Variants in ITPR1 observed in about 807,000 individuals in gnomAD.
ITPR1 encodes inositol 1,4,5-trisphosphate-gated calcium channel ITPR1.
A neutral mutation model predicts 318.4 loss-of-function variants in ITPR1; 96 were observed. The ratio of observed to expected loss-of-function variants is 0.30; its 90% CI spans 0.26 to 0.36. ITPR1 has a LOEUF of 0.36. ITPR1 is among the 10% of genes least tolerant of loss of function. ITPR1 has a pLI of 1.00. For missense variants in ITPR1, 2,440 were observed against 3,460.2 expected (o/e 0.71, Z 7.40); for synonymous variants, 1,312 against 1,289.9 (o/e 1.02, Z -0.37).
chr3:4,619,340 T>C (rs2092506307), intron 4 of ITPR1, among the ~76,000 whole-genome samples: 1 of 152,238 alleles, frequency 6.6e-6, no homozygotes, highest in African/African-American at 2.4e-5. Context: ...ATTGTTTCCA[T>C]ACCTTCAGTT....
intron 2 of ITPR1, among the ~76,000 whole-genome samples, chr3:4,506,491 A>G (rs1435684226): frequency 1.3e-5 from 2 of 152,158 alleles, no homozygotes; most frequent in Non-Finnish European, 2.9e-5. Context: ...TCACTTAATC[A>G]TATCACCAGT....
intron 4 of ITPR1, among the ~76,000 whole-genome samples, chr3:4,612,702 C>T (rs901845138): frequency 2.0e-5 from 3 of 151,998 alleles, no homozygotes; most frequent in South Asian, 2.1e-4. Context: ...GCCTGGCCAA[C>T]GTGGCGAACC....
At chr3:4,631,908 T>C (rs1395513488) in intron 5 of ITPR1, among the ~76,000 whole-genome samples, 2 of 152,130 alleles carry the variant, frequency 1.3e-5, no homozygotes, top group Non-Finnish European at 2.9e-5. Context: ...TGCCTTAGCC[T>C]CCCAGAGTGC....
At chr3:4,505,920 A>T (rs559713871) in intron 2 of ITPR1, among the ~76,000 whole-genome samples, 2 of 152,334 alleles carry the variant, frequency 1.3e-5, no homozygotes, top group African/African-American at 4.8e-5. Context: ...GGCAGAGCTG[A>T]TCCTCTGCTG....
chr3:4,754,331 C>T (rs1241636078), intron 44 of ITPR1, among the ~76,000 whole-genome samples: 3 of 152,170 alleles, frequency 2.0e-5, no homozygotes, highest in South Asian at 2.1e-4. Flanking sequence ...ACCCTCCTCC[C>T]GGGAAGAGGA....
At chr3:4,836,701 C>A (rs932491530) in intron 60 of ITPR1, 73 bp from the exon 61 acceptor site, 2 of 1,253,278 alleles carry the variant, frequency 1.6e-6, no homozygotes, top group East Asian at 2.9e-5. Flanking sequence ...GGTAAGCTGG[C>A]CTTTCTTGTT....
At chr3:4,525,733 T>C (rs1046775451) in intron 4 of ITPR1, among the ~76,000 whole-genome samples, 1 of 152,222 alleles carries the variant, frequency 6.6e-6, no homozygotes, top group African/African-American at 2.4e-5. Flanking sequence ...TCTTTGCCCA[T>C]AATCTTGAAA....
chr3:4,665,132 A>G lies in ITPR1; in HGVS notation c.1555-6A>G. The G allele has an allele frequency of 6.2e-7, 1 of 1,613,980 alleles. No individual in the cohort carries two copies. The highest frequency in any genetic ancestry group is 2.2e-5 in the East Asian group (1 of 44,892). ...TGCCATTTTTGCTTTTCATTTTCAC[A>G]AACAGATCTTCAAGTTGTTACAAGC... On this transcript the variant is annotated splice_polypyrimidine_tract_variant and splice_region_variant and intron_variant, in intron 16 of 61. Coordinates refer to ENST00000649015, the MANE Select transcript of ITPR1 (RefSeq NM_001378452.1).
chr3:4,836,756 T>A lies in ITPR1; in HGVS notation c.8029-18T>A. ...CAGTCTTTTTTTTTTTTTTTTTTTTTTTTAATGTGGATTCTAGGAAAGAAA... is the reference window on the plus strand; with the variant it reads ...CAGTCTTTTTTTTTTTTTTTTTTTTATTTAATGTGGATTCTAGGAAAGAAA... On this transcript the variant is annotated intron_variant, in intron 60 of 61. Transcript: ENST00000649015. 1 of 1,294,504 alleles carries A rather than the reference T, an allele frequency of 7.7e-7. No homozygotes were observed. Among genetic ancestry groups the A allele is most frequent in the Non-Finnish European group, 9.9e-7 (1 of 1,008,090 alleles). The allele number at this position is 1,294,504 out of a possible 1,614,324, so 80.2% of individuals were successfully genotyped here. A position where few individuals can be genotyped will look rare whatever the true frequency, so the allele number is the denominator to read the frequency against.
At chr3:4,494,332 G>A (rs1282319501) in intron 1 of ITPR1, 99 bp from the exon 2 acceptor site, 1 of 152,366 alleles carries the variant, frequency 6.6e-6, no homozygotes, top group African/African-American at 2.4e-5. Flanking sequence ...CCCCAGTGAA[G>A]GAGGCTAAAG....
At chr3:4,772,748 T>C (rs2046261918) in intron 46 of ITPR1, among the ~76,000 whole-genome samples, 1 of 152,218 alleles carries the variant, frequency 6.6e-6, no homozygotes, top group East Asian at 1.9e-4. Context: ...GGGAGTTCTC[T>C]TCTCTAAGAA....
intron 4 of ITPR1, among the ~76,000 whole-genome samples, chr3:4,535,609 A>T (rs1000295164): frequency 2.7e-5 from 4 of 149,732 alleles, no homozygotes; most frequent in African/African-American, 9.8e-5. Context: ...CGCCCGGCTA[A>T]TTTTTTTTTG....
chr3:4,584,968 T>A (rs1050357769), intron 4 of ITPR1, among the ~76,000 whole-genome samples: 2 of 152,164 alleles, frequency 1.3e-5, no homozygotes, highest in Non-Finnish European at 2.9e-5. Flanking sequence ...CTTTTGAATG[T>A]GAAACACCAG....
chr3:4,813,985 G>C lies in ITPR1; in HGVS notation c.7562-438G>C, dbSNP rs150340348. ...CCTCCAATGTAAAGCAGTTGATCCA[G>C]AGGCCCTGCCGTGAAATATCCCTGG... On this transcript the variant is annotated intron_variant, in intron 57 of 61. Transcript: ENST00000649015. Among the ~76,000 whole-genome samples, 434 of 152,348 alleles carry C rather than the reference G, an allele frequency of 2.8e-3. 5 individuals carry two copies. The highest frequency in any genetic ancestry group is 0.01 in the African/African-American group (417 of 41,564).
chr3:4,622,316 T>C (rs937493554), intron 4 of ITPR1, among the ~76,000 whole-genome samples: 4 of 151,054 alleles, frequency 2.6e-5, no homozygotes, highest in African/African-American at 7.3e-5. Context: ...GGTTTCACCA[T>C]GTTGGCCAGG....
intron 55 of ITPR1, among the ~76,000 whole-genome samples, chr3:4,807,538 G>C (rs17729838): frequency 0.18 from 26,938 of 152,098 alleles, 2,956 homozygotes; most frequent in South Asian, 0.27. Flanking sequence ...TAGCACTGCC[G>C]AATGATTGCC....
At chr3:4,657,063 G>A (rs1203046947) in intron 12 of ITPR1, among the ~76,000 whole-genome samples, 2 of 152,048 alleles carry the variant, frequency 1.3e-5, no homozygotes, top group East Asian at 1.9e-4. Flanking sequence ...GATTTTCTTC[G>A]CTCTCAGCCA....
intron 4 of ITPR1, among the ~76,000 whole-genome samples, chr3:4,603,099 C>A (rs74834856): frequency 0.059 from 9,010 of 152,102 alleles, 360 homozygotes; most frequent in East Asian, 0.12. Context: ...ATAAAACATC[C>A]ACTTTTGACT....
At chr3:4,598,637 A>C (rs2091036681) in intron 4 of ITPR1, among the ~76,000 whole-genome samples, 1 of 152,044 alleles carries the variant, frequency 6.6e-6, no homozygotes, top group African/African-American at 2.4e-5. Context: ...AAATGCAGAA[A>C]AGTTTTAGGA....
Sources: gnomAD v4.1 joint callset for allele counts (sites outside exome capture counted in the v4.1 genomes callset) on GRCh38, gnomAD v4.1.1 for gene constraint, MANE v1.5 for transcripts, NCBI Gene and HGNC (gene_info 2026-07-23, HGNC 2026-07-21) for gene names.